Variants in MCU observed in about 807,000 individuals in gnomAD.
MCU encodes calcium uniporter protein, mitochondrial.
MCU carries 12 observed loss-of-function variants against 45.2 expected under a neutral mutation model. The observed-to-expected ratio is 0.27, with a 90% CI of 0.17 to 0.43. MCU has a LOEUF of 0.43. MCU is among the 20% of genes least tolerant of loss of function. MCU has a pLI of 1.00. For missense variants in MCU, 324 were observed against 436.7 expected (o/e 0.74, Z 2.30); for synonymous variants, 160 against 165.1 (o/e 0.97, Z 0.24).
At chr10:72,795,952 C>T (rs189513814) in intron 1 of MCU, among the ~76,000 whole-genome samples, 7 of 151,874 alleles carry the variant, frequency 4.6e-5, no homozygotes, top group African/African-American at 1.2e-4. Context: ...CAGCTGAGAT[C>T]GCACCACTGC....
chr10:72,867,581 C>T (rs974720429), intron 4 of MCU, among the ~76,000 whole-genome samples: 13 of 152,028 alleles, frequency 8.6e-5, no homozygotes, highest in African/African-American at 2.9e-4. Context: ...GGGCCGGGTG[C>T]GGTGGCTCAA....
intron 1 of MCU, among the ~76,000 whole-genome samples, chr10:72,800,030 C>T (rs1474505609): frequency 1.3e-5 from 2 of 152,186 alleles, no homozygotes; most frequent in African/African-American, 4.8e-5. Flanking sequence ...TTCTTGAGTG[C>T]TGACATGACA....
chr10:72,726,522 C>G (rs1205681843), intron 1 of MCU, among the ~76,000 whole-genome samples: 1 of 151,692 alleles, frequency 6.6e-6, no homozygotes, highest in African/African-American at 2.4e-5. Flanking sequence ...TTTTTTGTCA[C>G]TGTGAACATT....
At chr10:72,693,780 T>C (rs1251437196) in intron 1 of MCU, among the ~76,000 whole-genome samples, 4 of 152,250 alleles carry the variant, frequency 2.6e-5, no homozygotes, top group South Asian at 2.1e-4. Context: ...CCTCTAGTTA[T>C]GTGTTTTGTT....
intron 2 of MCU, among the ~76,000 whole-genome samples, chr10:72,836,793 A>G (rs1383770667): frequency 6.6e-6 from 1 of 152,218 alleles, no homozygotes; most frequent in East Asian, 1.9e-4. Context: ...TGTCCTTATT[A>G]TATATCTTTC....
chr10:72,801,084 C>A (rs1469308125), intron 1 of MCU, among the ~76,000 whole-genome samples: 1 of 152,044 alleles, frequency 6.6e-6, no homozygotes, highest in Non-Finnish European at 1.5e-5. Flanking sequence ...TAGAGTGAGA[C>A]CCTGTCTCTT....
At chr10:72,881,453 C>T (rs543760245) in intron 6 of MCU, among the ~76,000 whole-genome samples, 26 of 152,188 alleles carry the variant, frequency 1.7e-4, no homozygotes, top group African/African-American at 5.5e-4. Flanking sequence ...ACTTGGGAGG[C>T]TGAGATGGGA....
chr10:72,861,295 C>G (rs148140766), intron 4 of MCU, among the ~76,000 whole-genome samples: 2 of 151,862 alleles, frequency 1.3e-5, no homozygotes, highest in African/African-American at 2.4e-5. Context: ...CAGAGTGTTG[C>G]GATTACAGGC....
intron 1 of MCU, among the ~76,000 whole-genome samples, chr10:72,693,983 T>C (rs1412263296): frequency 6.6e-6 from 1 of 152,246 alleles, no homozygotes; most frequent in Non-Finnish European, 1.5e-5. Flanking sequence ...TATTTTCCAC[T>C]ATGCAAATTT....
intron 1 of MCU, among the ~76,000 whole-genome samples, chr10:72,784,280 C>T (rs938726964): frequency 3.9e-5 from 6 of 152,114 alleles, no homozygotes; most frequent in African/African-American, 1.4e-4. Flanking sequence ...TTTTTCAGAT[C>T]CTATCAAATT....
At chr10:72,879,617 A>G (rs1365466660) in intron 6 of MCU, among the ~76,000 whole-genome samples, 2 of 152,258 alleles carry the variant, frequency 1.3e-5, no homozygotes, top group Admixed American at 6.5e-5. Flanking sequence ...AGATTATCAC[A>G]CGTGAAAAGT....
chr10:72,867,903 T>A (rs967610465), intron 4 of MCU, among the ~76,000 whole-genome samples: 1 of 151,496 alleles, frequency 6.6e-6, no homozygotes, highest in Admixed American at 6.6e-5. Flanking sequence ...TTTTTATTTA[T>A]GCCTTTGTAT....
intron 1 of MCU, among the ~76,000 whole-genome samples, chr10:72,760,852 C>T (rs980815203): frequency 1.3e-5 from 2 of 151,666 alleles, no homozygotes; most frequent in African/African-American, 2.4e-5. Context: ...GTGCCAGGCC[C>T]ATAGATATTT....
intron 1 of MCU, among the ~76,000 whole-genome samples, chr10:72,733,478 T>C (rs1397180268): frequency 6.6e-6 from 1 of 151,822 alleles, no homozygotes; most frequent in Non-Finnish European, 1.5e-5. Flanking sequence ...CAACAAAAAC[T>C]ATCTTGTACT....
intron 1 of MCU, among the ~76,000 whole-genome samples, chr10:72,765,786 C>CAAA (rs36071651): frequency 1.5e-3 from 97 of 62,986 alleles, no homozygotes; most frequent in African/African-American, 3.4e-3. Context: ...GACGCTGTCT[C>CAAA]AAAAAAAAAA....
intron 2 of MCU, among the ~76,000 whole-genome samples, chr10:72,849,039 G>T (rs1314382152): frequency 6.6e-6 from 1 of 152,034 alleles, no homozygotes. Flanking sequence ...CCAGCACTTT[G>T]GGAGGCCGAG....
At chr10:72,706,492 TTA>T (rs1438565099) in intron 1 of MCU, among the ~76,000 whole-genome samples, 1 of 149,932 alleles carries the variant, frequency 6.7e-6, no homozygotes, top group Non-Finnish European at 1.5e-5. Context: ...GTGTCGGTAT[TTA>T]TTTCTTTGGT....
chr10:72,770,492 G>T (rs1843789200), intron 1 of MCU, among the ~76,000 whole-genome samples: 1 of 151,634 alleles, frequency 6.6e-6, no homozygotes, highest in Non-Finnish European at 1.5e-5. Context: ...CATTTTCTCA[G>T]TGCTATTATT....
At chr10:72,708,561 A>G (rs1285832287) in intron 1 of MCU, among the ~76,000 whole-genome samples, 1 of 152,176 alleles carries the variant, frequency 6.6e-6, no homozygotes, top group Non-Finnish European at 1.5e-5. Flanking sequence ...TGAGCCTAGT[A>G]TAGTGTCAGT....
Sources: gnomAD v4.1 joint callset for allele counts (sites outside exome capture counted in the v4.1 genomes callset) on GRCh38, gnomAD v4.1.1 for gene constraint, MANE v1.5 for transcripts, NCBI Gene and HGNC (gene_info 2026-07-23, HGNC 2026-07-21) for gene names.